The following ANGPT2 variants were observed in gnomAD, a reference collection of about 807,000 sequenced individuals.
ANGPT2 encodes the protein angiopoietin-2.
A neutral mutation model predicts 62.9 loss-of-function variants in ANGPT2; 28 were observed. The ratio of observed to expected loss-of-function variants is 0.44; its 90% CI spans 0.33 to 0.61. ANGPT2 has a LOEUF of 0.61. ANGPT2 is among the 20% of genes least tolerant of loss of function. The pLI is 0.03. For synonymous variants in ANGPT2, 284 were observed against 207.8 expected, an observed-to-expected ratio of 1.37 and a Z score of -3.15; for missense variants, 727 against 594.9, an observed-to-expected ratio of 1.22 and a Z score of -2.31.
intron 1 of ANGPT2, among the ~76,000 whole-genome samples, chr8:6,540,240 C>G (rs1472242270): frequency 1.3e-5 from 2 of 152,156 alleles, no homozygotes; most frequent in East Asian, 3.9e-4. Context: ...CATTTTACCT[C>G]TTTGTGTGTT....
intron 1 of ANGPT2, among the ~76,000 whole-genome samples, chr8:6,536,481 C>G (rs1207619742): frequency 6.6e-6 from 1 of 152,082 alleles, no homozygotes; most frequent in Non-Finnish European, 1.5e-5. Context: ...CTTAAGAAAA[C>G]AGACAGACCA....
intron 7 of ANGPT2, among the ~76,000 whole-genome samples, chr8:6,510,381 A>G (rs1814800213): frequency 6.6e-6 from 1 of 152,218 alleles, no homozygotes; most frequent in Non-Finnish European, 1.5e-5. Context: ...GTGTACTTGA[A>G]GCACCAAGAT....
rs1815918927 is a variant in ANGPT2, at chr8:6,514,797, G to T, written c.928-19C>A. ...AGTAGGCCTGCAAACAGGAATGCAG[G>T]GTATAAGTGACAGAGCCCCCCCACT... is the stretch of plus-strand genomic sequence containing the variant. On this transcript the variant is annotated intron_variant, in intron 5 of 8. Transcript: ENST00000629816. 2 of 1,609,666 alleles carry T rather than the reference G, an allele frequency of 1.2e-6. No homozygotes were observed. Among genetic ancestry groups the T allele is most frequent in the Non-Finnish European group, 1.7e-6 (2 of 1,176,326 alleles).
At chr8:6,521,783 G>C (rs1817389389) in intron 3 of ANGPT2, among the ~76,000 whole-genome samples, 1 of 152,172 alleles carries the variant, frequency 6.6e-6, no homozygotes, top group Non-Finnish European at 1.5e-5. Flanking sequence ...TGAGAAGGGA[G>C]AGTTTCAACT....
chr8:6,532,835 C>G (rs1819784345), intron 1 of ANGPT2, among the ~76,000 whole-genome samples: 1 of 152,178 alleles, frequency 6.6e-6, no homozygotes, highest in South Asian at 2.1e-4. Flanking sequence ...GGGGTTGTGT[C>G]TGTCCTACCC....
chr8:6,508,815 A>G (rs1814324212), intron 8 of ANGPT2, 117 bp downstream of exon 8: 2 of 1,380,642 alleles, frequency 1.4e-6, no homozygotes, highest in African/African-American at 1.4e-5. Context: ...TAGTGTGTCT[A>G]CGTATGAAAT....
intron 8 of ANGPT2, among the ~76,000 whole-genome samples, chr8:6,505,753 CGT>C (rs1813505826): frequency 7.8e-6 from 1 of 127,952 alleles, no homozygotes; most frequent in African/African-American, 3.0e-5. Flanking sequence ...TTTATATATA[CGT>C]ATATATAGAA....
chr8:6,514,569 G>C (rs1334571375), intron 6 of ANGPT2, 108 bp downstream of exon 6: 1 of 969,780 alleles, frequency 1.0e-6, no homozygotes, highest in East Asian at 2.4e-5. Flanking sequence ...TAAAAACCAT[G>C]TCAAAAGTCA....
chr8:6,562,549 CTTCTTTT>C, intron 1 of ANGPT2, 91 bp downstream of exon 1: 1 of 87,292 alleles, frequency 1.1e-5, no homozygotes, highest in African/African-American at 1.1e-4. Flanking sequence ...CTTCATCCTC[CTTCTTTT>C]TTTTTTTTTT....
At chr8:6,554,630 G>A (rs991623539) in intron 1 of ANGPT2, among the ~76,000 whole-genome samples, 1 of 152,162 alleles carries the variant, frequency 6.6e-6, no homozygotes, top group Non-Finnish European at 1.5e-5. Context: ...TGAATATTTT[G>A]TGGTGGTAAG....
Position 6,531,918 on chromosome 8 carries a change from G to T in ANGPT2, c.444+414C>A, listed in dbSNP as rs144209712. ...ATTCAGGTTTTATCTTAACTCAAGA[G>T]TTAGATTTAAGGCCAGAGTTTCTAG... On this transcript the variant is annotated intron_variant, in intron 2 of 8. Transcript: ENST00000629816. Among the ~76,000 whole-genome samples, 930 of 152,320 alleles carry T rather than the reference G, an allele frequency of 6.1e-3. 5 individuals carry two copies. The highest frequency in any genetic ancestry group is 0.01 in the Non-Finnish European group (684 of 68,032).
intron 5 of ANGPT2, among the ~76,000 whole-genome samples, chr8:6,519,384 G>A (rs1026858938): frequency 6.6e-6 from 1 of 152,146 alleles, no homozygotes; most frequent in Non-Finnish European, 1.5e-5. Context: ...GTAGCTAACT[G>A]TACAAGTCAC....
intron 1 of ANGPT2, among the ~76,000 whole-genome samples, chr8:6,559,472 A>C (rs536021613): frequency 2.6e-5 from 4 of 152,364 alleles, no homozygotes; most frequent in African/African-American, 9.6e-5. Context: ...ATTCACATTT[A>C]CACTTTCCAG....
chr8:6,536,303 C>T (rs886967236), intron 1 of ANGPT2, among the ~76,000 whole-genome samples: 8 of 152,104 alleles, frequency 5.3e-5, no homozygotes, highest in South Asian at 2.1e-4. Context: ...GGATCCCAGG[C>T]GCCTCACATC....
chr8:6,506,161 G>A (rs1057160576), intron 8 of ANGPT2, among the ~76,000 whole-genome samples: 2 of 151,692 alleles, frequency 1.3e-5, no homozygotes, highest in African/African-American at 4.8e-5. Flanking sequence ...AGATTGGACG[G>A]AAGTTTGCGT....
intron 1 of ANGPT2, among the ~76,000 whole-genome samples, chr8:6,533,962 T>C (rs1056305489): frequency 2.6e-5 from 4 of 152,162 alleles, no homozygotes; most frequent in African/African-American, 7.2e-5. Flanking sequence ...CAGATGGTTT[T>C]AGGATTAGGC....
intron 1 of ANGPT2, among the ~76,000 whole-genome samples, chr8:6,544,926 T>C (rs1822287250): frequency 6.6e-6 from 1 of 152,236 alleles, no homozygotes; most frequent in African/African-American, 2.4e-5. Context: ...AGTTTTGTTC[T>C]CACAATGGAA....
rs974374143 is a variant in ANGPT2, at chr8:6,500,179, C to G, written c.*2922G>C. The G allele has an allele frequency of 2.5e-5, 12 of 484,810 alleles. No individual in the cohort carries two copies. The highest frequency in any genetic ancestry group is 4.1e-5 in the Non-Finnish European group (11 of 266,636). 30.0% of individuals were successfully genotyped at this position (484,810 alleles called of 1,614,324 possible). A position where few individuals can be genotyped will look rare whatever the true frequency, so the allele number is the denominator to read the frequency against. ...AATTTGACGATTAACATCCTCAGAA[C>G]TGAGAAAAACAAAAATGAAAAAAGA... On this transcript the variant is annotated 3_prime_UTR_variant, in exon 9 of 9. Transcript: ENST00000629816.
intron 8 of ANGPT2, among the ~76,000 whole-genome samples, chr8:6,505,285 T>TTC (rs1563305563): frequency 0.043 from 4,548 of 104,890 alleles, 879 homozygotes; most frequent in African/African-American, 0.15. Flanking sequence ...TACATATATA[T>TTC]GTTATATACA....
Sources: gnomAD v4.1 joint callset for allele counts (sites outside exome capture counted in the v4.1 genomes callset) on GRCh38, gnomAD v4.1.1 for gene constraint, MANE v1.5 for transcripts, NCBI Gene and HGNC (gene_info 2026-07-23, HGNC 2026-07-21) for gene names.